Variants in FER observed in about 807,000 individuals in gnomAD.
FER encodes FER tyrosine kinase.
FER carries 63 observed loss-of-function variants against 111.0 expected under a neutral mutation model. The observed-to-expected ratio is 0.57, with a 90% CI of 0.46 to 0.70. The LOEUF (loss-of-function observed/expected upper bound fraction) is 0.70, where lower values mean the gene tolerates loss of function less well. FER is among the 30% of genes least tolerant of loss of function. The pLI is 0.00. For missense variants in FER, 914 were observed against 954.0 expected, an observed-to-expected ratio of 0.96 and a Z score of 0.55; for synonymous variants, 327 against 313.9, an observed-to-expected ratio of 1.04 and a Z score of -0.44.
chr5:109,029,671 G>A (rs1489439007), intron 13 of FER, among the ~76,000 whole-genome samples: 1 of 152,036 alleles, frequency 6.6e-6, no homozygotes, highest in Non-Finnish European at 1.5e-5. Context: ...TGTCCAAACT[G>A]TGTGGTTTCA....
rs550559927 is a variant in FER at position 108,852,379 on chromosome 5, TA to T, written c.482-15386del. Among the ~76,000 whole-genome samples the T allele has an allele frequency of 1.4e-4, 21 of 152,322 alleles. No individual in the cohort carries two copies. In the South Asian group the frequency reaches 4.1e-3, roughly 30 times the overall value. ...ACAGATGGTTAAATTTATGTTTAAA[TA>T]AGTCCACATTTTAAAAAATGGATAC... On this transcript the variant is annotated intron_variant, in intron 5 of 19. Transcript: ENST00000281092.
At chr5:109,040,058 G>C (rs1359956773) in intron 14 of FER, among the ~76,000 whole-genome samples, 1 of 152,016 alleles carries the variant, frequency 6.6e-6, no homozygotes, top group Non-Finnish European at 1.5e-5. Flanking sequence ...CTGTATGTGG[G>C]GTATTAGAGA....
chr5:108,963,266 A>G (rs1489335019), intron 13 of FER, among the ~76,000 whole-genome samples: 1 of 152,168 alleles, frequency 6.6e-6, no homozygotes, highest in Non-Finnish European at 1.5e-5. Flanking sequence ...AACATTTATG[A>G]TTAAATGTAG....
chr5:108,807,457 C>G (rs1757321122), intron 3 of FER, among the ~76,000 whole-genome samples: 1 of 152,122 alleles, frequency 6.6e-6, no homozygotes, highest in African/African-American at 2.4e-5. Context: ...TTCTGTGGAT[C>G]AGTTTTGATG....
At chr5:108,816,279 T>C (rs1455309322) in intron 3 of FER, among the ~76,000 whole-genome samples, 1 of 152,238 alleles carries the variant, frequency 6.6e-6, no homozygotes, top group Non-Finnish European at 1.5e-5. Context: ...TAGGAATACA[T>C]AGTAGACACA....
rs781465130 is a variant in FER at position 109,180,741 on chromosome 5, A to C, written c.2049-6A>C. 6.2e-7 allele frequency: 1 copy of C among 1,602,596 alleles called. No individual in the cohort carries two copies. The highest frequency in any genetic ancestry group is 8.5e-7 in the Non-Finnish European group (1 of 1,176,500). On this transcript the variant is annotated splice_polypyrimidine_tract_variant and splice_region_variant and intron_variant, in intron 17 of 19. Transcript: ENST00000281092. ...TAGGCGTTTTCTGTGTCTTACTGTA[A>C]CCTAGGGACCTTGCTGCAAGAAACT...
intron 13 of FER, among the ~76,000 whole-genome samples, chr5:109,018,480 C>G (rs1176568915): frequency 6.6e-6 from 1 of 151,676 alleles, no homozygotes; most frequent in African/African-American, 2.4e-5. Flanking sequence ...TTTACCTTTT[C>G]ACAATTTTCT....
intron 17 of FER, among the ~76,000 whole-genome samples, chr5:109,140,436 G>C (rs1399239428): frequency 6.6e-6 from 1 of 152,136 alleles, no homozygotes; most frequent in Non-Finnish European, 1.5e-5. Flanking sequence ...GCTATCATTT[G>C]TAAGAGTATG....
At position 108,988,822 on chromosome 5, in the gene FER, CTT is replaced by C. The variant is rs370630948; in HGVS notation, c.1656+29478_1656+29479del. ...AGTTTGGCTCTGATCTTTGTTGTTT[CTT>C]TTCTTGTGATAGGTTTGGGTTTGGT... is the stretch of plus-strand genomic sequence containing the variant. On this transcript the variant is annotated intron_variant, in intron 13 of 19. Transcript: ENST00000281092. Among the ~76,000 whole-genome samples the C allele has an allele frequency of 4.1e-3, 622 of 152,024 alleles. 3 individuals carry two copies. The highest frequency in any genetic ancestry group is 0.015 in the African/African-American group (604 of 41,492).
chr5:108,873,127 T>C (rs2150251261), intron 8 of FER, among the ~76,000 whole-genome samples: 1 of 152,196 alleles, frequency 6.6e-6, no homozygotes, highest in African/African-American at 2.4e-5. Flanking sequence ...TGGAATCTTT[T>C]TTTTTGTTTT....
chr5:108,751,888 G>T (rs921853003), intron 1 of FER, among the ~76,000 whole-genome samples: 16 of 152,156 alleles, frequency 1.1e-4, no homozygotes, highest in African/African-American at 3.9e-4. Context: ...CTATACCCGA[G>T]AAATTTGTGT....
chr5:109,078,797 C>T (rs3797838), intron 16 of FER, among the ~76,000 whole-genome samples: 68,351 of 151,984 alleles, frequency 0.45, 16,272 homozygotes, highest in African/African-American at 0.6. Flanking sequence ...AACATCTCCA[C>T]TATTTTCTCA....
At chr5:108,896,885 T>G (rs1033043015) in intron 9 of FER, among the ~76,000 whole-genome samples, 2 of 152,194 alleles carry the variant, frequency 1.3e-5, no homozygotes, top group African/African-American at 2.4e-5. Context: ...CATGGCACGG[T>G]CCTTTTTGGA....
At chr5:108,780,814 C>T (rs149192356) in intron 2 of FER, among the ~76,000 whole-genome samples, 119 of 147,304 alleles carry the variant, frequency 8.1e-4, no homozygotes, top group African/African-American at 2.8e-3. Flanking sequence ...ATATTCTGCT[C>T]TGTATTTTTT....
intron 16 of FER, among the ~76,000 whole-genome samples, chr5:109,047,829 G>A (rs1272240498): frequency 1.3e-5 from 2 of 148,256 alleles, no homozygotes; most frequent in African/African-American, 2.5e-5. Flanking sequence ...AAACAAAAAG[G>A]TGATCAGTCT....
intron 16 of FER, among the ~76,000 whole-genome samples, chr5:109,062,966 C>T (rs1053062433): frequency 1.3e-5 from 2 of 152,098 alleles, no homozygotes; most frequent in South Asian, 2.1e-4. Context: ...AGAGTTTTCA[C>T]CAGGCTTAAG....
chr5:109,054,761 T>C (rs1773409196), intron 16 of FER, among the ~76,000 whole-genome samples: 1 of 152,216 alleles, frequency 6.6e-6, no homozygotes, highest in Admixed American at 6.5e-5. Flanking sequence ...AATTTTTGTA[T>C]ATAGTGTGGG....
intron 10 of FER, among the ~76,000 whole-genome samples, chr5:108,910,580 C>A (rs1003035117): frequency 9.9e-5 from 15 of 152,138 alleles, no homozygotes; most frequent in Non-Finnish European, 1.9e-4. Context: ...GTATACCCAT[C>A]ACCCAAATAG....
intron 2 of FER, among the ~76,000 whole-genome samples, chr5:108,797,874 T>C (rs904399328): frequency 6.6e-6 from 1 of 152,248 alleles, no homozygotes; most frequent in Admixed American, 6.5e-5. Flanking sequence ...TAAGATAGTT[T>C]TACTTCTTCC....
Sources: allele counts gnomAD v4.1 joint callset (sites outside exome capture counted in the v4.1 genomes callset), GRCh38; gene constraint gnomAD v4.1.1; transcripts MANE v1.5; gene names NCBI Gene and HGNC (gene_info 2026-07-23, HGNC 2026-07-21).